Variants in SLC7A1 observed in about 807,000 individuals in gnomAD.
The protein encoded by SLC7A1 is solute carrier family 7 member 1.
SLC7A1 carries 10 observed loss-of-function variants against 53.9 expected under a neutral mutation model. The ratio of observed to expected loss-of-function variants is 0.19; its 90% confidence interval spans 0.11 to 0.31. SLC7A1 has a LOEUF of 0.31. Ranked by LOEUF, SLC7A1 falls within the 10% of genes least tolerant of loss-of-function variation. The pLI is 1.00. For missense variants in SLC7A1, 525 were observed against 827.2 expected (o/e 0.63, Z 4.48); for synonymous variants, 342 against 338.7 (o/e 1.01, Z -0.11).
chr13:29,524,866 G>A (rs1329353338), intron 5 of SLC7A1, among the ~76,000 whole-genome samples: 3 of 152,194 alleles, frequency 2.0e-5, no homozygotes, highest in Non-Finnish European at 4.4e-5. Flanking sequence ...ACTGATGAAC[G>A]CAAAAGCAAA....
rs373656937 is a variant in SLC7A1, at chr13:29,514,609, G to A, written c.1787-26C>T. 2.7e-5 allele frequency: 42 copies of A among 1,552,440 alleles called. No homozygotes were observed. In the African/African-American group the frequency reaches 3.9e-4, roughly 15 times the overall value. The stretch of plus-strand genomic sequence containing the variant: ...CTGCGGGCCGACAGCAGAGACGGGC[G>A]TGAACAGACCGCCGGTTGCACCACC... On this transcript the variant is annotated intron_variant, in intron 12 of 12. Coordinates refer to ENST00000380752, the MANE Select transcript of SLC7A1 (RefSeq NM_003045.5).
At chr13:29,587,755 T>A (rs1871943537) in intron 1 of SLC7A1, among the ~76,000 whole-genome samples, 1 of 152,222 alleles carries the variant, frequency 6.6e-6, no homozygotes, top group African/African-American at 2.4e-5. Flanking sequence ...TGGTTAAGTC[T>A]GCCTGCTCGG....
intron 1 of SLC7A1, among the ~76,000 whole-genome samples, chr13:29,587,805 C>A (rs1396480008): frequency 6.6e-6 from 1 of 152,196 alleles, no homozygotes; most frequent in African/African-American, 2.4e-5. Flanking sequence ...CATGAAAGAC[C>A]GTCAGCTCCA....
At chr13:29,520,865 GAGACTAA>G (rs1391069529) in intron 8 of SLC7A1, among the ~76,000 whole-genome samples, 1 of 152,218 alleles carries the variant, frequency 6.6e-6, no homozygotes, top group Non-Finnish European at 1.5e-5. Context: ...CGGGAAACTT[GAGACTAA>G]TTTCTTCCAT....
In SLC7A1 at chr13:29,517,201, G is replaced by A. The variant is rs139952828; in HGVS notation, c.1620C>T (p.Ala540=). The A allele has an allele frequency of 5.2e-4, 834 of 1,613,312 alleles. 2 individuals are homozygous for A. Among genetic ancestry groups the A allele is most frequent in the African/African-American group, 3.7e-3 (281 of 75,050 alleles). ...FLLAGSALLC[A]VVTGVIWRQP... ...GCCTCCAGATGACGCCCGTGACCAC[G>A]GCACAGAGGAGGGCAGACCCTGCGA... Residue 540 remains alanine, a synonymous_variant, in exon 11 of 13, where the codon GCC becomes GCT. Transcript: ENST00000380752.
chr13:29,524,477 G>A (rs9578103), intron 5 of SLC7A1, among the ~76,000 whole-genome samples: 10,613 of 152,166 alleles, frequency 0.07, 462 homozygotes, highest in Middle Eastern at 0.16. Flanking sequence ...GCAGAGTATC[G>A]CCCCTTCCAG....
At chr13:29,550,338 T>C (rs1870116644) in intron 2 of SLC7A1, among the ~76,000 whole-genome samples, 1 of 152,108 alleles carries the variant, frequency 6.6e-6, no homozygotes, top group Non-Finnish European at 1.5e-5. Context: ...AGACTTAAAA[T>C]CAGGGACAAA....
At chr13:29,524,786 T>C (rs1868806903) in intron 5 of SLC7A1, among the ~76,000 whole-genome samples, 1 of 152,236 alleles carries the variant, frequency 6.6e-6, no homozygotes, top group Non-Finnish European at 1.5e-5. Flanking sequence ...GCGCAGCTTT[T>C]GCCAGGTGTG....
rs550492941 is a variant in SLC7A1 at position 29,523,631 on chromosome 13, T to G, written c.827-143A>C. 4 of 645,306 alleles carry G rather than the reference T, an allele frequency of 6.2e-6. No individual in the cohort carries two copies. The South Asian group carries it at 7.5e-5, about 12-fold the overall frequency. 40.0% of individuals were successfully genotyped at this position (645,306 alleles called of 1,614,324 possible). ...CTCCAGCACTCAGCCCTGTGGGCAC[T>G]GGGGCCTCCTGTGCTTCCGGGAGCA... On this transcript the variant is annotated intron_variant, in intron 6 of 12. Transcript: ENST00000380752.
chr13:29,514,391 G>C lies in SLC7A1; in HGVS notation c.*89C>G. On this transcript the variant is annotated 3_prime_UTR_variant, in exon 13 of 13. Coordinates refer to ENST00000380752, the MANE Select transcript of SLC7A1 (RefSeq NM_003045.5). ...GAGGGTGTGGACGCAGGTGGTTTCT[G>C]TTGCACTGGTGGGGAGGGTGGGGTG... The C allele has an allele frequency of 1.1e-6, 1 of 902,698 alleles. No homozygotes were observed. Among genetic ancestry groups the C allele is most frequent in the Non-Finnish European group, 1.8e-6 (1 of 566,048 alleles). 55.9% of individuals were successfully genotyped at this position (902,698 alleles called of 1,614,324 possible).
At chr13:29,571,800 A>G (rs957814531) in intron 1 of SLC7A1, among the ~76,000 whole-genome samples, 1 of 152,196 alleles carries the variant, frequency 6.6e-6, no homozygotes, top group Non-Finnish European at 1.5e-5. Flanking sequence ...CTGTGTATAC[A>G]TTGAATGGAA....
intron 2 of SLC7A1, among the ~76,000 whole-genome samples, chr13:29,552,482 C>T (rs1870245418): frequency 6.6e-6 from 1 of 152,140 alleles, no homozygotes; most frequent in South Asian, 2.1e-4. Flanking sequence ...TGGCCATAAA[C>T]AAAATCTCTG....
chr13:29,533,175 T>C (rs1355182042), intron 3 of SLC7A1, among the ~76,000 whole-genome samples, 193 bp from the exon 4 acceptor site: 1 of 152,200 alleles, frequency 6.6e-6, no homozygotes, highest in East Asian at 1.9e-4. Flanking sequence ...AGAAGGCTTC[T>C]AGGGCCTACA....
intron 2 of SLC7A1, among the ~76,000 whole-genome samples, chr13:29,550,676 C>T (rs1870138743): frequency 6.6e-6 from 1 of 152,206 alleles, no homozygotes; most frequent in African/African-American, 2.4e-5. Context: ...GAGGACACTT[C>T]TCCAGTCAAG....
chr13:29,552,057 C>A (rs1456462990), intron 2 of SLC7A1, among the ~76,000 whole-genome samples: 3 of 152,198 alleles, frequency 2.0e-5, no homozygotes, highest in African/African-American at 7.2e-5. Context: ...AGGTCACTGG[C>A]TATATCCCCC....
intron 5 of SLC7A1, among the ~76,000 whole-genome samples, chr13:29,526,512 A>C (rs1868900316): frequency 6.6e-6 from 1 of 152,144 alleles, no homozygotes; most frequent in Non-Finnish European, 1.5e-5. Flanking sequence ...TTTAAAAATT[A>C]AAAAATAAAT....
intron 3 of SLC7A1, 120 bp downstream of exon 3, chr13:29,535,699 A>C (rs1593550590): frequency 2.1e-6 from 2 of 956,098 alleles, no homozygotes; most frequent in East Asian, 4.9e-5. Context: ...ACATCCTATT[A>C]ATTCTGTGCC....
intron 5 of SLC7A1, among the ~76,000 whole-genome samples, chr13:29,530,199 A>T (rs1473670735): frequency 6.6e-6 from 1 of 152,194 alleles, no homozygotes; most frequent in East Asian, 1.9e-4. Context: ...AAAATTCCAA[A>T]GTTGGCCATC....
chr13:29,573,834 G>A (rs568027981), intron 1 of SLC7A1, among the ~76,000 whole-genome samples: 10 of 152,240 alleles, frequency 6.6e-5, no homozygotes, highest in Middle Eastern at 6.8e-3. Flanking sequence ...GGTAACCCTG[G>A]TTTGGTACTG....
Sources: gnomAD v4.1 joint callset for allele counts (sites outside exome capture counted in the v4.1 genomes callset) on GRCh38, gnomAD v4.1.1 for gene constraint, MANE v1.5 for transcripts, NCBI Gene and HGNC (gene_info 2026-07-23, HGNC 2026-07-21) for gene names.